GRM8: variants seen among roughly 807,000 people sequenced by gnomAD.
GRM8 encodes the protein glutamate metabotropic receptor 8, also known as metabotropic glutamate receptor 8.
In GRM8, 47 loss-of-function variants were observed where a neutral mutation model predicts 87.2. The observed-to-expected ratio is 0.54, with a 90% CI of 0.43 to 0.69. The LOEUF (loss-of-function observed/expected upper bound fraction) is 0.69. GRM8 is among the 30% of genes least tolerant of loss of function. The pLI is 0.00. For synonymous variants in GRM8, 396 were observed against 404.5 expected (o/e 0.98, Z 0.25); for missense variants, 1,019 against 1,139.2 (o/e 0.89, Z 1.52).
At chr7:126,964,382 G>A (rs763489771) in intron 3 of GRM8, among the ~76,000 whole-genome samples, 4 of 152,144 alleles carry the variant, frequency 2.6e-5, no homozygotes, top group Non-Finnish European at 5.9e-5. Context: ...GCAGCCTACA[G>A]AATGGGAAAA....
intron 9 of GRM8, among the ~76,000 whole-genome samples, chr7:126,527,900 C>G (rs1562922511): frequency 6.6e-6 from 1 of 152,166 alleles, no homozygotes; most frequent in Non-Finnish European, 1.5e-5. Flanking sequence ...TCGGGCAAGC[C>G]TCTATGTTTA....
In GRM8 at chr7:126,508,861, C is replaced by T. The variant is rs149879387; in HGVS notation, c.2430+24091G>A. ...AGAATGGCATAAAATATATGAAGCT[C>T]TGTCACACTTCATAAATCAGTACTG... On this transcript the variant is annotated intron_variant, in intron 9 of 10. Coordinates refer to ENST00000339582, the MANE Select transcript of GRM8 (RefSeq NM_000845.3). Among the ~76,000 whole-genome samples the T allele has an allele frequency of 2.0e-4, 31 of 152,144 alleles. 1 individual carries two copies. The East Asian group carries it at 5.7e-3, about 28-fold the overall frequency.
At chr7:126,556,691 T>A (rs1452455169) in intron 8 of GRM8, among the ~76,000 whole-genome samples, 1 of 152,094 alleles carries the variant, frequency 6.6e-6, no homozygotes, top group Non-Finnish European at 1.5e-5. Flanking sequence ...TAGAAAACTT[T>A]CCTCTTTTTC....
At chr7:126,713,285 T>C (rs1328601763) in intron 7 of GRM8, among the ~76,000 whole-genome samples, 1 of 152,178 alleles carries the variant, frequency 6.6e-6, no homozygotes, top group Non-Finnish European at 1.5e-5. Context: ...AATGAGTTCA[T>C]ATCCTCTGCA....
chr7:126,630,272 T>C (rs1801131576), intron 7 of GRM8, among the ~76,000 whole-genome samples: 1 of 152,076 alleles, frequency 6.6e-6, no homozygotes, highest in African/African-American at 2.4e-5. Flanking sequence ...ACCTAAAGAA[T>C]GTGACCAAGG....
chr7:127,243,405 A>G lies in GRM8; in HGVS notation c.-201T>C, dbSNP rs1369121113. ...CCCTAAGGTTCAATTTTATTTCCTT[A>G]TAAGATCAACTTGCCTGGAATGGTG... On this transcript the variant is annotated 5_prime_UTR_variant, in exon 2 of 11. Coordinates refer to ENST00000339582, the MANE Select transcript of GRM8 (RefSeq NM_000845.3). 1.1e-5 allele frequency: 6 copies of G among 558,450 alleles called. No homozygotes were observed. The highest frequency in any genetic ancestry group is 1.9e-5 in the Non-Finnish European group (6 of 319,698). 34.6% of individuals were successfully genotyped at this position (558,450 alleles called of 1,614,324 possible).
rs75776444 is a variant in GRM8 at position 127,075,639 on chromosome 7, G to A, written c.727+30857C>T. On this transcript the variant is annotated intron_variant, in intron 3 of 10. Coordinates refer to ENST00000339582, the MANE Select transcript of GRM8 (RefSeq NM_000845.3). ...ATGGGATAATGTGGAGGGAGTAGTA[G>A]TGGCCTACGAAGCCAGCCAAGAAGC... Among the ~76,000 whole-genome samples, 6 of 152,096 alleles carry A rather than the reference G, an allele frequency of 3.9e-5. No individual in the cohort carries two copies. In the South Asian group the frequency reaches 8.3e-4, roughly 21 times the overall value.
chr7:126,517,391 G>A (rs1812337143), intron 9 of GRM8, among the ~76,000 whole-genome samples: 2 of 152,030 alleles, frequency 1.3e-5, no homozygotes, highest in African/African-American at 4.8e-5. Flanking sequence ...TGTGTGCTGA[G>A]CATTGTTTTT....
chr7:126,937,282 T>C (rs1806436734), intron 3 of GRM8, among the ~76,000 whole-genome samples: 1 of 151,932 alleles, frequency 6.6e-6, no homozygotes, highest in African/African-American at 2.4e-5. Context: ...ACCAAACCAA[T>C]AAATAAGCTA....
At chr7:126,492,135 C>T (rs767897594) in intron 9 of GRM8, among the ~76,000 whole-genome samples, 1 of 152,044 alleles carries the variant, frequency 6.6e-6, no homozygotes, top group Non-Finnish European at 1.5e-5. Flanking sequence ...CAGCTTACTG[C>T]AACCTCCTGG....
Position 126,529,330 on chromosome 7 carries a change from T to G in GRM8, c.2430+3622A>C, listed in dbSNP as rs112768432. ...TCATTGAATAGGCATTTATTGAGAA[T>G]GGACTATAAGAAGAGCTATATGTTA... On this transcript the variant is annotated intron_variant, in intron 9 of 10. Coordinates refer to ENST00000339582, the MANE Select transcript of GRM8 (RefSeq NM_000845.3). Among the ~76,000 whole-genome samples, 143 of 152,358 alleles carry G rather than the reference T, an allele frequency of 9.4e-4. 1 individual carries two copies. The highest frequency in any genetic ancestry group is 4.3e-3 in the Admixed American group (66 of 15,310).
intron 9 of GRM8, among the ~76,000 whole-genome samples, chr7:126,477,198 A>G (rs1024888862): frequency 1.1e-4 from 16 of 152,244 alleles, no homozygotes; most frequent in Middle Eastern, 3.4e-3. Flanking sequence ...AGTTGAACTT[A>G]TAGAAGCAGA....
chr7:126,992,297 A>G (rs1812734236), intron 3 of GRM8, among the ~76,000 whole-genome samples: 1 of 152,218 alleles, frequency 6.6e-6, no homozygotes. Flanking sequence ...AAAATGACAC[A>G]TAAGGAAGAC....
chr7:127,241,404 C>T (rs1798285319), intron 2 of GRM8, among the ~76,000 whole-genome samples: 1 of 151,228 alleles, frequency 6.6e-6, no homozygotes. Context: ...TTTAATATTT[C>T]TAAATCTAAT....
chr7:126,485,632 G>C (rs1250980001), intron 9 of GRM8, among the ~76,000 whole-genome samples: 2 of 151,836 alleles, frequency 1.3e-5, no homozygotes, highest in Admixed American at 6.6e-5. Flanking sequence ...ATAGACACTG[G>C]GTACAAGGGA....
intron 8 of GRM8, among the ~76,000 whole-genome samples, chr7:126,600,652 T>C (rs1231249187): frequency 6.6e-6 from 1 of 152,190 alleles, no homozygotes; most frequent in Non-Finnish European, 1.5e-5. Flanking sequence ...TACACACTTA[T>C]TGAGTACTTA....
intron 6 of GRM8, among the ~76,000 whole-genome samples, chr7:126,867,345 A>G (rs1798686788): frequency 6.6e-6 from 1 of 152,176 alleles, no homozygotes; most frequent in South Asian, 2.1e-4. Flanking sequence ...TGTTCCAAAC[A>G]TTCGCTGTTG....
chr7:127,211,072 C>A (rs1441788892), intron 2 of GRM8, among the ~76,000 whole-genome samples: 1 of 151,960 alleles, frequency 6.6e-6, no homozygotes, highest in Non-Finnish European at 1.5e-5. Flanking sequence ...TCTGGAGGGA[C>A]AGGACTAATA....
chr7:127,147,310 A>T (rs1828606729), intron 2 of GRM8, among the ~76,000 whole-genome samples: 3 of 152,074 alleles, frequency 2.0e-5, no homozygotes, highest in African/African-American at 7.2e-5. Context: ...GAAAGTAAAA[A>T]TGCTTCCTAC....
Sources: allele counts gnomAD v4.1 joint callset (sites outside exome capture counted in the v4.1 genomes callset), GRCh38; gene constraint gnomAD v4.1.1; transcripts MANE v1.5; gene names NCBI Gene and HGNC (gene_info 2026-07-23, HGNC 2026-07-21).